The following PTGFRN variants were observed in gnomAD, a reference collection of about 807,000 sequenced individuals.
PTGFRN encodes prostaglandin F2 receptor inhibitor.
PTGFRN carries 35 observed loss-of-function variants against 83.2 expected under a neutral mutation model. The observed-to-expected ratio is 0.42, with a 90% CI of 0.32 to 0.56. The LOEUF (loss-of-function observed/expected upper bound fraction) is 0.56. Among genes scored for constraint, PTGFRN ranks in the 20% least tolerant of loss-of-function variants. The pLI is 0.11. For synonymous variants in PTGFRN, 519 were observed against 498.6 expected (o/e 1.04, Z -0.55); for missense variants, 1,051 against 1,179.5 (o/e 0.89, Z 1.60).
chr1:116,937,121 T>C lies in PTGFRN; in HGVS notation c.50-4594T>C, dbSNP rs1162566103. On this transcript the variant is annotated intron_variant, in intron 1 of 8. Transcript: ENST00000393203. ...AGCTAGTGGGATGAATGTCTGAGAG[T>C]GTCCTGGGTTGAGGAAATGTGCAAG... Among the ~76,000 whole-genome samples the C allele has an allele frequency of 2.0e-5, 3 of 152,142 alleles. No individual in the cohort carries two copies. The East Asian group carries it at 5.8e-4, about 29-fold the overall frequency.
At position 116,941,656 on chromosome 1, in the gene PTGFRN, T is replaced by C; in HGVS notation, c.50-59T>C. 1 of 1,543,884 alleles carries C rather than the reference T, an allele frequency of 6.5e-7. No homozygotes were observed. Among genetic ancestry groups the C allele is most frequent in the Non-Finnish European group, 8.7e-7 (1 of 1,148,960 alleles). On this transcript the variant is annotated intron_variant, in intron 1 of 8. Transcript: ENST00000393203. This position sits in a 1 kb window ranked among gnomAD's most constrained non-coding sequence, Gnocchi z 5.0. ...CAGGAGCATCCACAGGTTTGCCACA[T>C]TTGTCCTGGGAAGACTTTCTGTGAT... is the stretch of plus-strand genomic sequence containing the variant.
At chr1:116,927,023 T>G (rs1649676824) in intron 1 of PTGFRN, among the ~76,000 whole-genome samples, 1 of 152,042 alleles carries the variant, frequency 6.6e-6, no homozygotes, top group Non-Finnish European at 1.5e-5. Context: ...GCCCCGAGAT[T>G]GCAGCCAAGC....
intron 1 of PTGFRN, among the ~76,000 whole-genome samples, chr1:116,914,496 A>G (rs887683160): frequency 2.0e-5 from 3 of 152,182 alleles, no homozygotes; most frequent in African/African-American, 4.8e-5. Flanking sequence ...CATGCCTGCA[A>G]TCCCAGCACT....
chr1:116,934,451 ACTT>A (rs1211346634), intron 1 of PTGFRN, among the ~76,000 whole-genome samples: 1 of 151,762 alleles, frequency 6.6e-6, no homozygotes, highest in East Asian at 1.9e-4. Flanking sequence ...CTGGCTGCTG[ACTT>A]CTTCTGTGCT....
In PTGFRN at chr1:116,952,369, T is replaced by C. The variant is rs1442690746; in HGVS notation, c.1213+2797T>C. Reference sequence around the variant, plus strand: ...CAATGACATGAATGGGCCTGGCAAGTCCAGAGCACTTGCAGCCACTGAGAG... The same window carrying C: ...CAATGACATGAATGGGCCTGGCAAGCCCAGAGCACTTGCAGCCACTGAGAG... On this transcript the variant is annotated intron_variant, in intron 4 of 8. Coordinates refer to ENST00000393203, the MANE Select transcript of PTGFRN (RefSeq NM_020440.4). This position sits in a 1 kb window ranked among gnomAD's most constrained non-coding sequence, Gnocchi z 4.0. Among the ~76,000 whole-genome samples, 1 of 152,088 alleles carries C rather than the reference T, an allele frequency of 6.6e-6. No individual in the cohort carries two copies. The highest frequency in any genetic ancestry group is 2.4e-5 in the African/African-American group (1 of 41,408).
Position 116,988,308 on chromosome 1 carries a change from C to T in PTGFRN, c.*1341C>T, listed in dbSNP as rs974509137. ...AGAGTCAAGAGCGGTGTGCTTTGCC[C>T]GACTGCTCCCATCAGGAATAGGAGA... On this transcript the variant is annotated 3_prime_UTR_variant, in exon 9 of 9. Coordinates refer to ENST00000393203, the MANE Select transcript of PTGFRN (RefSeq NM_020440.4). 2.0e-5 allele frequency: 3 copies of T among 152,374 alleles called. No individual in the cohort carries two copies. Among genetic ancestry groups the T allele is most frequent in the African/African-American group, 4.8e-5 (2 of 41,418 alleles). 9.4% of individuals were successfully genotyped at this position (152,374 alleles called of 1,614,324 possible).
intron 1 of PTGFRN, among the ~76,000 whole-genome samples, chr1:116,925,233 C>T (rs1030723259): frequency 2.0e-5 from 3 of 151,938 alleles, no homozygotes; most frequent in African/African-American, 7.3e-5. Context: ...TTCGAGACCA[C>T]CCTGGCCAAC....
At chr1:116,943,106 C>T (rs555669507) in intron 2 of PTGFRN, among the ~76,000 whole-genome samples, 1 of 152,150 alleles carries the variant, frequency 6.6e-6, no homozygotes, top group Non-Finnish European at 1.5e-5. Flanking sequence ...AGAAAATGCA[C>T]ATGATGATAT....
At chr1:116,950,633 T>G (rs1163962306) in intron 4 of PTGFRN, among the ~76,000 whole-genome samples, 1 of 152,202 alleles carries the variant, frequency 6.6e-6, no homozygotes, top group African/African-American at 2.4e-5. Flanking sequence ...TAGTGGCATA[T>G]TCGCTCTCCT....
At chr1:116,978,049 T>C (rs1205723673) in intron 7 of PTGFRN, among the ~76,000 whole-genome samples, 7 of 152,130 alleles carry the variant, frequency 4.6e-5, no homozygotes, top group African/African-American at 1.7e-4. Context: ...ATATCACCAC[T>C]GATCCCACAG....
chr1:116,913,321 C>T (rs746612276), intron 1 of PTGFRN, among the ~76,000 whole-genome samples: 4 of 151,846 alleles, frequency 2.6e-5, no homozygotes, highest in Non-Finnish European at 5.9e-5. Context: ...ATTCTGGGCT[C>T]TGGGGAAAAG....
chr1:116,969,570 A>G (rs12744581), intron 6 of PTGFRN, among the ~76,000 whole-genome samples: 26,017 of 151,934 alleles, frequency 0.17, 2,419 homozygotes, highest in Middle Eastern at 0.24. Context: ...GATTGTTTTG[A>G]CTATTTTGGA....
At chr1:116,978,964 T>C (rs1180236410) in intron 7 of PTGFRN, among the ~76,000 whole-genome samples, 4 of 152,102 alleles carry the variant, frequency 2.6e-5, no homozygotes, top group African/African-American at 7.2e-5. Context: ...GATTGTATAT[T>C]TAGAAAACCC....
At chr1:116,930,568 A>T (rs972899432) in intron 1 of PTGFRN, among the ~76,000 whole-genome samples, 3 of 152,246 alleles carry the variant, frequency 2.0e-5, no homozygotes, top group African/African-American at 7.2e-5. Flanking sequence ...ATAAGAAAAT[A>T]GATTTCACCA....
chr1:116,967,359 G>A (rs12410651), intron 6 of PTGFRN, 29 bp downstream of exon 6: 299,627 of 1,588,238 alleles, frequency 0.19, 29,389 homozygotes, highest in Non-Finnish European at 0.2. Context: ...TGAATCATAG[G>A]TGGAGCTAGA....
At chr1:116,925,579 G>C (rs986125460) in intron 1 of PTGFRN, among the ~76,000 whole-genome samples, 1 of 152,178 alleles carries the variant, frequency 6.6e-6, no homozygotes, top group Non-Finnish European at 1.5e-5. Context: ...TGAGTGTAAA[G>C]AGCCTGTGTG....
chr1:116,960,650 A>G (rs1388574914), intron 4 of PTGFRN, among the ~76,000 whole-genome samples: 1 of 152,184 alleles, frequency 6.6e-6, no homozygotes, highest in Non-Finnish European at 1.5e-5. Flanking sequence ...CACTGAACAC[A>G]GATTCCGCAG....
intron 1 of PTGFRN, among the ~76,000 whole-genome samples, chr1:116,915,127 A>G (rs1649368530): frequency 1.3e-5 from 2 of 152,228 alleles, no homozygotes; most frequent in Admixed American, 1.3e-4. Flanking sequence ...TGCTAAGGAA[A>G]AGTTTACTAA....
intron 6 of PTGFRN, among the ~76,000 whole-genome samples, chr1:116,973,251 C>G (rs571784940): frequency 6.6e-6 from 1 of 152,116 alleles, no homozygotes; most frequent in Non-Finnish European, 1.5e-5. Flanking sequence ...TTTAGGTTCC[C>G]AGCTTTTCAG....
Sources: allele counts gnomAD v4.1 joint callset (sites outside exome capture counted in the v4.1 genomes callset), GRCh38; gene constraint gnomAD v4.1.1; non-coding constraint Gnocchi (gnomAD v3.1); transcripts MANE v1.5; gene names NCBI Gene and HGNC (gene_info 2026-07-23, HGNC 2026-07-21).